DIS3L2: variants seen among roughly 807,000 people sequenced by gnomAD.
DIS3L2 encodes DIS3 like 3'-5' exoribonuclease 2, also known as DIS3-like exonuclease 2.
In DIS3L2, 34 loss-of-function variants were observed where a neutral mutation model predicts 97.5. That is an observed-to-expected ratio of 0.35 (90% confidence interval 0.27 to 0.46). The LOEUF is 0.46. Among genes scored for constraint, DIS3L2 ranks in the 20% least tolerant of loss-of-function variants. The pLI is 1.00. For synonymous variants in DIS3L2, 435 were observed against 445.2 expected, an observed-to-expected ratio of 0.98 and a Z score of 0.29; for missense variants, 1,038 against 1,146.0, an observed-to-expected ratio of 0.91 and a Z score of 1.36.
At chr2:232,170,432 T>G (rs1690949399) in intron 9 of DIS3L2, among the ~76,000 whole-genome samples, 1 of 152,194 alleles carries the variant, frequency 6.6e-6, no homozygotes, top group African/African-American at 2.4e-5. Flanking sequence ...TCAGTAAAAC[T>G]ATGAGTTTCA....
chr2:232,086,632 CATATATATATATGTATAT>C (rs1696641617), intron 5 of DIS3L2, among the ~76,000 whole-genome samples: 1 of 69,230 alleles, frequency 1.4e-5, no homozygotes, highest in Non-Finnish European at 2.4e-5. Context: ...TATATATACA[CATATATATATATGTATAT>C]ATATATATAT....
intron 9 of DIS3L2, among the ~76,000 whole-genome samples, chr2:232,196,116 A>G (rs912330723): frequency 6.6e-6 from 1 of 151,970 alleles, no homozygotes; most frequent in Non-Finnish European, 1.5e-5. Flanking sequence ...TAAATTTTAT[A>G]CTATTATACA....
At chr2:232,170,495 A>G (rs931589455) in intron 9 of DIS3L2, among the ~76,000 whole-genome samples, 1 of 152,130 alleles carries the variant, frequency 6.6e-6, no homozygotes, top group African/African-American at 2.4e-5. Flanking sequence ...GTGGGTATCT[A>G]TTTCCTTACT....
At chr2:232,312,336 C>A (rs1246887215) in intron 14 of DIS3L2, among the ~76,000 whole-genome samples, 4 of 152,258 alleles carry the variant, frequency 2.6e-5, no homozygotes, top group African/African-American at 7.2e-5. Flanking sequence ...ATATGGGTAT[C>A]TGTTGACCCA....
exon 14 of DIS3L2, chr2:232,343,698 G>C: frequency 9.3e-7 from 1 of 1,077,410 alleles, no homozygotes; most frequent in South Asian, 1.6e-5. Context: ...TGTGGGTGCT[G>C]ATTTTGTGGA....
intron 9 of DIS3L2, among the ~76,000 whole-genome samples, chr2:232,176,792 A>AATTT (rs1429378137): frequency 2.7e-5 from 4 of 147,468 alleles, no homozygotes; most frequent in South Asian, 2.1e-4. Context: ...TTAATTAATT[A>AATTT]ATTTATTATT....
downstream of DIS3L2, chr2:232,339,722 C>T (rs1379243051): frequency 4.4e-6 from 2 of 456,218 alleles, no homozygotes; most frequent in Admixed American, 4.7e-5. Flanking sequence ...AGCAGGAAAG[C>T]CACATGGACG....
chr2:231,972,491 G>A (rs1692948462), intron 1 of DIS3L2, among the ~76,000 whole-genome samples: 2 of 152,288 alleles, frequency 1.3e-5, no homozygotes, highest in South Asian at 4.1e-4. Flanking sequence ...TAGCATATAT[G>A]TCTGTCATTG....
chr2:232,029,855 A>G (rs72987670), intron 4 of DIS3L2, 124 bp from the exon 5 acceptor site: 9,196 of 676,278 alleles, frequency 0.014, 103 homozygotes, highest in Non-Finnish European at 0.016. Context: ...GCTTTATTTA[A>G]TACGAAAAAG....
At chr2:232,294,929 T>A (rs1381007684) in intron 13 of DIS3L2, among the ~76,000 whole-genome samples, 2 of 152,142 alleles carry the variant, frequency 1.3e-5, no homozygotes, top group East Asian at 3.9e-4. Flanking sequence ...TTCCTTCTGT[T>A]TTCTTCCCAT....
chr2:232,168,853 G>A (rs947617218), intron 9 of DIS3L2, among the ~76,000 whole-genome samples: 1 of 152,196 alleles, frequency 6.6e-6, no homozygotes, highest in Admixed American at 6.5e-5. Flanking sequence ...TAAGCATGTG[G>A]AGGTATTTGG....
At chr2:232,204,717 A>G (rs1232373575) in intron 9 of DIS3L2, among the ~76,000 whole-genome samples, 4 of 152,186 alleles carry the variant, frequency 2.6e-5, no homozygotes, top group Non-Finnish European at 4.4e-5. Flanking sequence ...AAAAGGAGCC[A>G]GTAAAATCCC....
intron 5 of DIS3L2, among the ~76,000 whole-genome samples, chr2:232,059,510 C>T (rs1039610046): frequency 3.3e-5 from 5 of 152,020 alleles, no homozygotes; most frequent in Admixed American, 2.6e-4. Flanking sequence ...TTTTAGATTC[C>T]GGGAGTACAT....
At chr2:232,106,202 A>G (rs1368526036) in intron 6 of DIS3L2, among the ~76,000 whole-genome samples, 5 of 152,186 alleles carry the variant, frequency 3.3e-5, no homozygotes, top group Non-Finnish European at 7.3e-5. Context: ...TTACATTGCC[A>G]TAGAAATAAT....
At chr2:232,225,766 A>C (rs1038149025) in intron 10 of DIS3L2, among the ~76,000 whole-genome samples, 3 of 152,216 alleles carry the variant, frequency 2.0e-5, no homozygotes, top group African/African-American at 7.2e-5. Context: ...GTACAAAAAA[A>C]ATGGAAACAA....
At chr2:231,962,544 T>C (rs7572908) in intron 1 of DIS3L2, among the ~76,000 whole-genome samples, 40,456 of 151,292 alleles carry the variant, frequency 0.27, 8,839 homozygotes, top group African/African-American at 0.61. Flanking sequence ...ATGCCATTCT[T>C]CTGCCTCAGC....
intron 4 of DIS3L2, among the ~76,000 whole-genome samples, chr2:232,028,256 T>G (rs1316115588): frequency 6.6e-6 from 1 of 152,144 alleles, no homozygotes; most frequent in Admixed American, 6.6e-5. Context: ...ATCTATTCTT[T>G]CTGATGGGTG....
At chr2:232,045,468 G>A (rs1695212392) in intron 5 of DIS3L2, among the ~76,000 whole-genome samples, 1 of 152,086 alleles carries the variant, frequency 6.6e-6, no homozygotes, top group African/African-American at 2.4e-5. Flanking sequence ...CTGGAGGCTG[G>A]GAAGTCAAAG....
intron 9 of DIS3L2, among the ~76,000 whole-genome samples, chr2:232,195,087 A>G (rs894840278): frequency 6.6e-6 from 1 of 152,228 alleles, no homozygotes; most frequent in Admixed American, 6.5e-5. Context: ...GTTTTGGCCC[A>G]AAATGAGTAC....
Sources: gnomAD v4.1 joint callset for allele counts (sites outside exome capture counted in the v4.1 genomes callset) on GRCh38, gnomAD v4.1.1 for gene constraint, MANE v1.5 for transcripts, NCBI Gene and HGNC (gene_info 2026-07-23, HGNC 2026-07-21) for gene names.